Variants in KAZN observed in about 807,000 individuals in gnomAD.
KAZN encodes kazrin.
KAZN carries 40 observed loss-of-function variants against 87.4 expected under a neutral mutation model. The ratio of observed to expected loss-of-function variants is 0.46; its 90% CI spans 0.36 to 0.60. The LOEUF is 0.60. Among genes scored for constraint, KAZN ranks in the 20% least tolerant of loss-of-function variants. The pLI is 0.00. For missense variants in KAZN, 898 were observed against 1,073.9 expected, an observed-to-expected ratio of 0.84 and a Z score of 2.29; for synonymous variants, 466 against 458.3, an observed-to-expected ratio of 1.02 and a Z score of -0.22.
chr1:14,782,130 T>C (rs1418981599), intron 1 of KAZN, among the ~76,000 whole-genome samples: 1 of 152,196 alleles, frequency 6.6e-6, no homozygotes, highest in Non-Finnish European at 1.5e-5. Context: ...AGCATCAAAA[T>C]TATGACTAGT....
In KAZN at chr1:14,526,561, T is replaced by C. The variant is rs148099700; in HGVS notation, c.250-72422T>C. On this transcript the variant is annotated intron_variant, in intron 2 of 16. Coordinates refer to the KAZN transcript ENST00000636203. ...CCCTCCGGGTCATCTATAGCTGAAA[T>C]TGACAAATTGAAATAGACAAAGATG... Among the ~76,000 whole-genome samples the C allele has an allele frequency of 7.7e-4, 117 of 152,338 alleles. 4 individuals are homozygous for C. The East Asian group carries it at 0.017, about 22-fold the overall frequency.
chr1:14,999,334 A>C (rs1438663210), intron 2 of KAZN, among the ~76,000 whole-genome samples: 2 of 152,238 alleles, frequency 1.3e-5, no homozygotes, highest in African/African-American at 4.8e-5. Context: ...TCACTTTCCC[A>C]TGGGATGATG....
chr1:14,444,512 AT>A lies in KAZN; in HGVS notation c.250-154470del, dbSNP rs573457448. 1.5e-4 allele frequency among the ~76,000 whole-genome samples: 23 copies of A among 152,068 alleles called. No homozygotes were observed. In the South Asian group the frequency reaches 4.6e-3, roughly 30 times the overall value. ...TTTTTAGTAGAGATGGGGTTTCTCCATGTTGGTCAGGCTGGTCTCAAAACTC... is the reference window on the plus strand; with the variant it reads ...TTTTTAGTAGAGATGGGGTTTCTCCAGTTGGTCAGGCTGGTCTCAAAACTC... On this transcript the variant is annotated intron_variant, in intron 2 of 16. Transcript: ENST00000636203.
At chr1:14,730,890 C>G (rs1400177170) in intron 1 of KAZN, among the ~76,000 whole-genome samples, 1 of 152,124 alleles carries the variant, frequency 6.6e-6, no homozygotes, top group Non-Finnish European at 1.5e-5. Context: ...GGTGGCCCTC[C>G]CTCTTGTGCC....
chr1:14,506,818 A>T (rs1315216114), intron 2 of KAZN, among the ~76,000 whole-genome samples: 2 of 152,228 alleles, frequency 1.3e-5, no homozygotes, highest in South Asian at 4.1e-4. Flanking sequence ...GCTATAAGAA[A>T]AACAAATGGA....
chr1:15,041,331 C>CTTTTTTTTTTTTTTTTTTTTT (rs71000360), intron 3 of KAZN, among the ~76,000 whole-genome samples: 55 of 114,144 alleles, frequency 4.8e-4, no homozygotes, highest in African/African-American at 9.2e-4. Flanking sequence ...CATTTTTTTT[C>CTTTTTTTTTTTTTTTTTTTTT]TTTTTTTTTT....
At chr1:14,498,032 G>A (rs963366598) in intron 2 of KAZN, among the ~76,000 whole-genome samples, 3 of 138,062 alleles carry the variant, frequency 2.2e-5, no homozygotes, top group African/African-American at 7.4e-5. Context: ...TTTACAAGCT[G>A]CTTCTCCTTC....
chr1:14,528,735 C>T (rs1192496141), intron 2 of KAZN, among the ~76,000 whole-genome samples: 4 of 135,138 alleles, frequency 3.0e-5, no homozygotes, highest in Non-Finnish European at 6.1e-5. Context: ...AGTGACAGAG[C>T]GAGACCCTGT....
chr1:14,387,655 G>A (rs1662048356), intron 2 of KAZN, among the ~76,000 whole-genome samples: 1 of 152,140 alleles, frequency 6.6e-6, no homozygotes, highest in Non-Finnish European at 1.5e-5. Flanking sequence ...CCCACTTGAG[G>A]AGGCAGTCTG....
intron 2 of KAZN, among the ~76,000 whole-genome samples, chr1:14,335,109 C>CCG (rs1657143189): frequency 6.6e-6 from 1 of 150,970 alleles, no homozygotes; most frequent in Non-Finnish European, 1.5e-5. Context: ...ACTCGGTGCC[C>CCG]CCCCCCCACC....
chr1:14,319,181 G>A (rs571304794), intron 2 of KAZN, among the ~76,000 whole-genome samples: 4 of 151,970 alleles, frequency 2.6e-5, no homozygotes, highest in East Asian at 1.9e-4. Flanking sequence ...TTTAGAGAGT[G>A]TATGGCTCTG....
At chr1:13,911,766 T>C (rs1259941434) in intron 1 of KAZN, among the ~76,000 whole-genome samples, 1 of 152,134 alleles carries the variant, frequency 6.6e-6, no homozygotes, top group Admixed American at 6.5e-5. Flanking sequence ...AGTCCTTAAA[T>C]AAAAAATGTT....
At chr1:14,018,008 G>A (rs1309913873) in intron 1 of KAZN, among the ~76,000 whole-genome samples, 2 of 152,150 alleles carry the variant, frequency 1.3e-5, no homozygotes, top group African/African-American at 4.8e-5. Flanking sequence ...TTATGTGAAT[G>A]AACTCATTTA....
At chr1:14,445,009 T>G (rs1156751859) in intron 2 of KAZN, among the ~76,000 whole-genome samples, 1 of 147,182 alleles carries the variant, frequency 6.8e-6, no homozygotes, top group African/African-American at 2.6e-5. Flanking sequence ...GGGTGGGCTC[T>G]AATCCAACAT....
chr1:14,958,350 G>A (rs889495851), intron 1 of KAZN, among the ~76,000 whole-genome samples: 11 of 149,820 alleles, frequency 7.3e-5, no homozygotes, highest in Admixed American at 2.0e-4. Flanking sequence ...ATGTATACAG[G>A]GCACTTCTTG....
At chr1:15,089,049 C>T (rs1190788845) in intron 8 of KAZN, among the ~76,000 whole-genome samples, 4 of 152,044 alleles carry the variant, frequency 2.6e-5, no homozygotes, top group East Asian at 1.9e-4. Flanking sequence ...TGTTTGTCCA[C>T]GTATCTGTTA....
chr1:14,712,322 T>C (rs185837433), intron 1 of KAZN, among the ~76,000 whole-genome samples: 1 of 152,192 alleles, frequency 6.6e-6, no homozygotes, highest in African/African-American at 2.4e-5. Flanking sequence ...GTGCTGGCAG[T>C]GGTAGCCAGG....
At chr1:14,406,232 T>G (rs1663841893) in intron 2 of KAZN, among the ~76,000 whole-genome samples, 1 of 152,090 alleles carries the variant, frequency 6.6e-6, no homozygotes, top group Non-Finnish European at 1.5e-5. Flanking sequence ...ACATCTACAA[T>G]GTACTCACAA....
chr1:14,114,109 C>T (rs374214374), intron 1 of KAZN, among the ~76,000 whole-genome samples: 10 of 152,338 alleles, frequency 6.6e-5, no homozygotes, highest in African/African-American at 9.6e-5. Flanking sequence ...CTTTTAGAAA[C>T]GCTGAGCCCC....
Sources: allele counts gnomAD v4.1 joint callset (sites outside exome capture counted in the v4.1 genomes callset), GRCh38; gene constraint gnomAD v4.1.1; transcripts MANE v1.5; gene names NCBI Gene and HGNC (gene_info 2026-07-23, HGNC 2026-07-21).